Variants in NTRK3 observed in about 807,000 individuals in gnomAD.
The protein encoded by NTRK3 is NT-3 growth factor receptor.
NTRK3 carries 24 observed loss-of-function variants against 91.7 expected under a neutral mutation model. That is an observed-to-expected ratio of 0.26 (90% CI 0.19 to 0.37). NTRK3 has a LOEUF of 0.37. Among genes scored for constraint, NTRK3 ranks in the 10% least tolerant of loss-of-function variants. NTRK3 has a pLI of 1.00. For synonymous variants in NTRK3, 483 were observed against 404.0 expected (o/e 1.20, Z -2.34); for missense variants, 880 against 1,068.9 (o/e 0.82, Z 2.46).
intron 15 of NTRK3, among the ~76,000 whole-genome samples, chr15:87,935,319 G>A (rs2069174154): frequency 6.6e-6 from 1 of 152,126 alleles, no homozygotes; most frequent in Non-Finnish European, 1.5e-5. Context: ...GCCCAATGTT[G>A]ATTTTTACCA....
intron 13 of NTRK3, among the ~76,000 whole-genome samples, chr15:88,080,213 T>A (rs897596729): frequency 6.6e-6 from 1 of 152,216 alleles, no homozygotes; most frequent in African/African-American, 2.4e-5. Context: ...TTCCTTAAGG[T>A]AAGTAACATG....
exon 2 of NTRK3, chr15:88,256,392 T>C (rs1166392838): frequency 4.9e-6 from 3 of 609,008 alleles, no homozygotes; most frequent in Admixed American, 5.8e-5. Context: ...GAGCGCCTAG[T>C]GGCGCGGTCT....
chr15:87,939,863 A>G (rs910689835), intron 15 of NTRK3, among the ~76,000 whole-genome samples: 2 of 152,238 alleles, frequency 1.3e-5, no homozygotes. Flanking sequence ...GTTTACAAAG[A>G]GAAGCTGTTG....
chr15:88,205,612 G>A (rs540870803), intron 3 of NTRK3, among the ~76,000 whole-genome samples: 7 of 152,128 alleles, frequency 4.6e-5, no homozygotes, highest in Non-Finnish European at 8.8e-5. Context: ...TAACCCAACT[G>A]CACACAGCCC....
intron 10 of NTRK3, among the ~76,000 whole-genome samples, 164 bp downstream of exon 10, chr15:88,134,937 T>C (rs2041730035): frequency 6.6e-6 from 1 of 152,246 alleles, no homozygotes; most frequent in South Asian, 2.1e-4. Flanking sequence ...TATCCTTGTT[T>C]ATACCAGATG....
intron 17 of NTRK3, among the ~76,000 whole-genome samples, chr15:87,913,478 G>A (rs969448735): frequency 3.9e-5 from 6 of 152,042 alleles, no homozygotes; most frequent in Admixed American, 3.9e-4. Context: ...TACTTTCATG[G>A]CAGATGTCAC....
chr15:87,917,980 T>A (rs1456417795), intron 17 of NTRK3, among the ~76,000 whole-genome samples: 2 of 134,476 alleles, frequency 1.5e-5, no homozygotes, highest in African/African-American at 6.5e-5. Context: ...TGACCCTCCA[T>A]TTCACTGTTT....
chr15:88,141,171 G>A (rs776890321), intron 6 of NTRK3, among the ~76,000 whole-genome samples: 11 of 152,188 alleles, frequency 7.2e-5, no homozygotes, highest in Non-Finnish European at 1.5e-4. Flanking sequence ...AGAAGCCTTG[G>A]AGGTGTTGCC....
At chr15:87,921,880 T>C (rs62019198) in intron 17 of NTRK3, among the ~76,000 whole-genome samples, 235 of 148,994 alleles carry the variant, frequency 1.6e-3, no homozygotes, top group Non-Finnish European at 3.1e-3. Flanking sequence ...GGACTTGGTA[T>C]TAAAAAAAAA....
exon 19 of NTRK3, chr15:87,871,234 T>C (rs1044032873): frequency 8.7e-6 from 2 of 231,118 alleles, no homozygotes; most frequent in Non-Finnish European, 1.7e-5. Flanking sequence ...AAACTATAGA[T>C]ACTTTCATAG....
intron 13 of NTRK3, among the ~76,000 whole-genome samples, chr15:88,065,314 GA>G (rs1567324510): frequency 1.3e-5 from 2 of 152,186 alleles, no homozygotes; most frequent in Non-Finnish European, 2.9e-5. Flanking sequence ...CTCTCTAGCA[GA>G]AAACGTTCTT....
chr15:88,015,483 C>T (rs376638145), intron 14 of NTRK3, among the ~76,000 whole-genome samples: 164 of 152,194 alleles, frequency 1.1e-3, no homozygotes, highest in Non-Finnish European at 1.7e-3. Flanking sequence ...CAAGTTTCCC[C>T]GCAGCGTCCT....
intron 14 of NTRK3, among the ~76,000 whole-genome samples, chr15:87,950,760 G>A (rs116737135): frequency 1.9e-3 from 292 of 152,222 alleles, no homozygotes; most frequent in African/African-American, 6.8e-3. Flanking sequence ...ATAAAAGTTC[G>A]GGAAGGAATA....
chr15:88,071,731 T>C (rs958353435), intron 13 of NTRK3, among the ~76,000 whole-genome samples: 1 of 152,194 alleles, frequency 6.6e-6, no homozygotes, highest in Admixed American at 6.5e-5. Flanking sequence ...TGATGCTCCT[T>C]ATGGGAGAAT....
At chr15:87,935,602 G>C (rs1008919749) in intron 15 of NTRK3, among the ~76,000 whole-genome samples, 29 of 152,182 alleles carry the variant, frequency 1.9e-4, no homozygotes, top group African/African-American at 7.0e-4. Flanking sequence ...ACTGAACCCA[G>C]CATGGGTGGG....
At chr15:87,982,745 A>G (rs931141760) in intron 14 of NTRK3, among the ~76,000 whole-genome samples, 1 of 152,222 alleles carries the variant, frequency 6.6e-6, no homozygotes, top group African/African-American at 2.4e-5. Context: ...AGTCCTTTAT[A>G]TTGACTGCAG....
rs1220678079 is a variant in NTRK3, at chr15:87,983,316, C to G, written c.1586-42563G>C. Among the ~76,000 whole-genome samples the G allele has an allele frequency of 3.3e-5, 5 of 152,144 alleles. No homozygotes were observed. The South Asian group carries it at 1.0e-3, about 32-fold the overall frequency. ...CAATGCAGTGGGAAGGGCATCCCAC[C>G]CCAGTCAGGGTGCCACACTTTCCAC... On this transcript the variant is annotated intron_variant, in intron 14 of 18. Coordinates refer to ENST00000394480, the Ensembl canonical transcript of NTRK3.
chr15:88,016,810 TTTC>T (rs941857411), intron 14 of NTRK3, among the ~76,000 whole-genome samples: 4 of 152,176 alleles, frequency 2.6e-5, no homozygotes, highest in African/African-American at 9.7e-5. Flanking sequence ...GTCATTTTTT[TTTC>T]TTTTCTTCCA....
intron 13 of NTRK3, among the ~76,000 whole-genome samples, chr15:88,114,011 C>CA (rs1329284017): frequency 1.3e-5 from 2 of 152,102 alleles, no homozygotes; most frequent in Non-Finnish European, 2.9e-5. Flanking sequence ...CAGTACCCCC[C>CA]CCACCACCAA....
Sources: gnomAD v4.1 joint callset for allele counts (sites outside exome capture counted in the v4.1 genomes callset) on GRCh38, gnomAD v4.1.1 for gene constraint, MANE v1.5 for transcripts, NCBI Gene and HGNC (gene_info 2026-07-23, HGNC 2026-07-21) for gene names.